Variants in PSD3 observed in about 807,000 individuals in gnomAD.
PSD3 encodes the protein PH and SEC7 domain-containing protein 3.
In PSD3, 49 loss-of-function variants were observed where a neutral mutation model predicts 105.5. The ratio of observed to expected loss-of-function variants is 0.46; its 90% CI spans 0.37 to 0.59. PSD3 has a LOEUF of 0.59. PSD3 is among the 20% of genes least tolerant of loss of function. The pLI, the probability that PSD3 is intolerant of heterozygous loss-of-function variation, is 0.00. For synonymous variants in PSD3, 557 were observed against 457.8 expected, an observed-to-expected ratio of 1.22 and a Z score of -2.77; for missense variants, 1,561 against 1,263.8, an observed-to-expected ratio of 1.24 and a Z score of -3.57.
rs1246553745 is a variant in PSD3, at chr8:18,594,351, T to C, written c.2481+6013A>G. Among the ~76,000 whole-genome samples the C allele has an allele frequency of 3.9e-5, 4 of 101,536 alleles. 1 individual carries two copies. The highest frequency in any genetic ancestry group is 7.3e-5 in the Non-Finnish European group (4 of 54,456). 66.6% of individuals were successfully genotyped at this position (101,536 alleles called of 152,430 possible). A position where few individuals can be genotyped will look rare whatever the true frequency, so the allele number is the denominator to read the frequency against. ...ATATTATAATATATAATATATATTC[T>C]ATATATTATATAATATATAAATAAT... On this transcript the variant is annotated intron_variant, in intron 12 of 15. Transcript: ENST00000327040.
intron 9 of PSD3, chr8:18,730,303 G>C (rs1040761704): frequency 6.6e-6 from 1 of 152,166 alleles, no homozygotes; most frequent in Non-Finnish European, 1.5e-5. Context: ...AATCTCATCT[G>C]CTAATATGTA....
intron 4 of PSD3, among the ~76,000 whole-genome samples, chr8:18,841,570 T>C (rs1814631140): frequency 6.6e-6 from 1 of 151,622 alleles, no homozygotes; most frequent in Non-Finnish European, 1.5e-5. Flanking sequence ...AGAGCAGGCA[T>C]TGTTTGAAGT....
intron 4 of PSD3, among the ~76,000 whole-genome samples, chr8:18,852,849 G>A (rs1432366277): frequency 3.3e-5 from 5 of 152,186 alleles, no homozygotes; most frequent in Admixed American, 2.6e-4. Context: ...AATGTTTACT[G>A]AGCTCTTTTA....
intron 1 of PSD3, among the ~76,000 whole-genome samples, chr8:18,981,125 A>T (rs556983285): frequency 3.5e-4 from 53 of 152,276 alleles, no homozygotes; most frequent in African/African-American, 1.2e-3. Context: ...ACAGTCAATG[A>T]CTGCTGGGCA....
chr8:18,667,196 T>C (rs980685511), intron 9 of PSD3, among the ~76,000 whole-genome samples: 28 of 152,170 alleles, frequency 1.8e-4, no homozygotes, highest in Non-Finnish European at 3.7e-4. Context: ...GATTGGTCCA[T>C]TTTACAGAGA....
At chr8:18,650,179 G>C (rs1297531168) in intron 10 of PSD3, among the ~76,000 whole-genome samples, 2 of 152,130 alleles carry the variant, frequency 1.3e-5, no homozygotes, top group Non-Finnish European at 1.5e-5. Flanking sequence ...TTTCCTATTT[G>C]TGTTAATCGT....
At chr8:19,068,441 C>T (rs565726377) in intron 1 of PSD3, among the ~76,000 whole-genome samples, 1 of 152,218 alleles carries the variant, frequency 6.6e-6, no homozygotes, top group East Asian at 1.9e-4. Flanking sequence ...AGGTGTACAC[C>T]ACAATGTCTG....
intron 9 of PSD3, among the ~76,000 whole-genome samples, chr8:18,746,400 C>A (rs1251311107): frequency 6.6e-6 from 1 of 151,954 alleles, no homozygotes; most frequent in Non-Finnish European, 1.5e-5. Flanking sequence ...TTCCATGCCC[C>A]ACGTGTCCTC....
intron 1 of PSD3, among the ~76,000 whole-genome samples, chr8:19,062,102 T>C (rs1828920674): frequency 6.6e-6 from 1 of 152,208 alleles, no homozygotes; most frequent in Non-Finnish European, 1.5e-5. Flanking sequence ...GGCACCTAGT[T>C]CATCCAGAAC....
At chr8:18,556,411 A>G (rs2130146247) in intron 14 of PSD3, 59 bp from the exon 15 acceptor site, 1 of 1,534,980 alleles carries the variant, frequency 6.5e-7, no homozygotes, top group Non-Finnish European at 8.8e-7. Flanking sequence ...ATAACAAAGC[A>G]CAGCATACTT....
chr8:19,079,621 G>A (rs1829577018), intron 1 of PSD3, among the ~76,000 whole-genome samples: 1 of 152,160 alleles, frequency 6.6e-6, no homozygotes, highest in East Asian at 1.9e-4. Flanking sequence ...AGACCAGGGA[G>A]TCAATGTTCA....
Position 18,834,237 on chromosome 8 carries a change from A to C in PSD3, c.1635-29339T>G, listed in dbSNP as rs201280832. On this transcript the variant is annotated intron_variant, in intron 4 of 15. Coordinates refer to ENST00000327040, the MANE Select transcript of PSD3 (RefSeq NM_015310.4). ...AGAAGGTATTTCTAACCTAGAAACT[A>C]GCAGAAATCATGATTTAATTGAGCC... Among the ~76,000 whole-genome samples, 6 of 152,334 alleles carry C rather than the reference A, an allele frequency of 3.9e-5. No individual in the cohort carries two copies. The East Asian group carries it at 1.2e-3, about 29-fold the overall frequency.
At chr8:18,883,478 A>G (rs769270694) in intron 2 of PSD3, among the ~76,000 whole-genome samples, 28 of 152,080 alleles carry the variant, frequency 1.8e-4, no homozygotes, top group Non-Finnish European at 2.9e-5. Flanking sequence ...CTCATAGTAA[A>G]TTTCTCTCAC....
rs185059431 is a variant in PSD3 at position 18,626,420 on chromosome 8, T to C, written c.2410+6193A>G. The stretch of plus-strand genomic sequence containing the variant: ...GCACCTGGCCAGGTTTAAATTTACA[T>C]ACAAATGTAATATAGGTCTACCTAT... On this transcript the variant is annotated intron_variant, in intron 11 of 15. Transcript: ENST00000327040. Among the ~76,000 whole-genome samples the C allele has an allele frequency of 2.6e-5, 4 of 152,268 alleles. No individual in the cohort carries two copies. The South Asian group carries it at 6.2e-4, about 24-fold the overall frequency.
chr8:18,989,581 A>G (rs928565091), intron 1 of PSD3, among the ~76,000 whole-genome samples: 1 of 152,342 alleles, frequency 6.6e-6, no homozygotes, highest in Non-Finnish European at 1.5e-5. Flanking sequence ...CTATTAATAA[A>G]TTATCTTGGG....
intron 1 of PSD3, among the ~76,000 whole-genome samples, chr8:19,060,238 G>C (rs1828850152): frequency 6.6e-6 from 1 of 151,834 alleles, no homozygotes; most frequent in Admixed American, 6.6e-5. Flanking sequence ...TTGAAAAAGA[G>C]AAAAAAAACT....
At chr8:19,063,507 C>T (rs1274245068) in intron 1 of PSD3, among the ~76,000 whole-genome samples, 1 of 152,174 alleles carries the variant, frequency 6.6e-6, no homozygotes, top group African/African-American at 2.4e-5. Context: ...TTTCCTTACA[C>T]AACCCCGCGA....
intron 2 of PSD3, among the ~76,000 whole-genome samples, chr8:18,907,026 T>G (rs1819892924): frequency 6.6e-6 from 1 of 152,210 alleles, no homozygotes; most frequent in Admixed American, 6.5e-5. Flanking sequence ...GAAAATATTT[T>G]AGCATAGTTG....
intron 9 of PSD3, among the ~76,000 whole-genome samples, chr8:18,715,130 G>A (rs1015287517): frequency 9.2e-5 from 14 of 152,148 alleles, no homozygotes; most frequent in African/African-American, 3.4e-4. Flanking sequence ...GGCCTTGTAG[G>A]GGGTGGGAAG....
Sources: allele counts gnomAD v4.1 joint callset (sites outside exome capture counted in the v4.1 genomes callset), GRCh38; gene constraint gnomAD v4.1.1; transcripts MANE v1.5; gene names NCBI Gene and HGNC (gene_info 2026-07-23, HGNC 2026-07-21).